Variants in ZNF3 observed in about 807,000 individuals in gnomAD.
ZNF3 encodes C2-H2 type zinc finger protein.
In ZNF3, 16 loss-of-function variants were observed where a neutral mutation model predicts 36.9. The ratio of observed to expected loss-of-function variants is 0.43; its 90% CI spans 0.29 to 0.66. The LOEUF is 0.66. Ranked by LOEUF, ZNF3 falls within the 30% of genes least tolerant of loss-of-function variation. The probability of loss-of-function intolerance (pLI) is 0.13; values close to 1 mark genes in which losing one functional copy is unlikely to be tolerated. For missense variants in ZNF3, 462 were observed against 543.1 expected (o/e 0.85, Z 1.48); for synonymous variants, 201 against 201.9 (o/e 1.00, Z 0.04).
At position 100,070,868 on chromosome 7, in the gene ZNF3, G is replaced by A. The variant is rs747140440; in HGVS notation, c.*275C>T. The A allele has an allele frequency of 7.0e-5, 85 of 1,207,474 alleles. No homozygotes were observed. Among genetic ancestry groups the A allele is most frequent in the Admixed American group, 8.3e-5 (2 of 24,124 alleles). 74.8% of individuals were successfully genotyped at this position (1,207,474 alleles called of 1,614,324 possible). A position where few individuals can be genotyped will look rare whatever the true frequency, so the allele number is the denominator to read the frequency against. On this transcript the variant is annotated 3_prime_UTR_variant, in exon 6 of 6. Transcript: ENST00000299667. ...ATCCCCACCTTGGAAAGGTTCCTCT[G>A]CTGTGAGAAAAACAGTTTAGTGCAA... is the stretch of plus-strand genomic sequence containing the variant.
In ZNF3 at chr7:100,075,590, G is replaced by T. The variant is rs1178808194; in HGVS notation, c.96C>A (p.Ser32Arg). 6.2e-7 allele frequency: 1 copy of T among 1,614,110 alleles called. No individual in the cohort carries two copies. Among genetic ancestry groups the T allele is most frequent in the African/African-American group, 1.3e-5 (1 of 75,032 alleles). ...SKVPAFSDKDSLGDEMLAAAL... is the reference protein window; with the variant it reads ...SKVPAFSDKDRLGDEMLAAAL... ...CAGCCGCCAACATCTCATCCCCCAG[G>T]CTGTCCTTGTCGGAAAAGGCAGGAA... Residue 32 changes from serine (S) to arginine (R), a missense_variant, in exon 4 of 6, where the codon AGC becomes AGA. Coordinates refer to ENST00000299667, the MANE Select transcript of ZNF3 (RefSeq NM_032924.5).
Position 100,070,626 on chromosome 7 carries a change from C to T in ZNF3, c.*517G>A. 1.0e-6 allele frequency: 1 copy of T among 989,706 alleles called. No homozygotes were observed. The highest frequency in any genetic ancestry group is 1.2e-6 in the Non-Finnish European group (1 of 832,330). The allele number at this position is 989,706 out of a possible 1,614,324, so 61.3% of individuals were successfully genotyped here. A position where few individuals can be genotyped will look rare whatever the true frequency, so the allele number is the denominator to read the frequency against. On this transcript the variant is annotated 3_prime_UTR_variant, in exon 6 of 6. Transcript: ENST00000299667. ...TTCTACCCTCAATAAAATAATCCCT[C>T]AATGCCAAATTTCCATAATTAACGA...
In ZNF3 at chr7:100,071,582, T is replaced by A; in HGVS notation, c.902A>T (p.His301Leu). ...KTFSWSSTLT[H>L]HQRIHTGEKP... ...CTCACCAGTGTGGATTCTCTGATGGTGGGTGAGGGTGGAGCTCCAGCTGAA... is the reference window on the plus strand; with the variant it reads ...CTCACCAGTGTGGATTCTCTGATGGAGGGTGAGGGTGGAGCTCCAGCTGAA... The change falls in exon 6 of 6, where the codon CAC (histidine) becomes CTC (leucine). Residue 301 changes from histidine to leucine, a missense_variant. By Grantham distance (99) the His-to-Leu change is moderately conservative. Coordinates refer to ENST00000299667, the MANE Select transcript of ZNF3 (RefSeq NM_032924.5). 1 of 1,613,990 alleles carries A rather than the reference T, an allele frequency of 6.2e-7. No individual in the cohort carries two copies. The highest frequency in any genetic ancestry group is 8.5e-7 in the Non-Finnish European group (1 of 1,179,972).
exon 6 of ZNF3, chr7:100,064,526 A>C (rs752609278): frequency 6.2e-7 from 1 of 1,614,212 alleles, no homozygotes; most frequent in Non-Finnish European, 8.5e-7. Context: ...GAAAAGCCCT[A>C]CTGGTGTCAT....
At chr7:100,078,944 CAAAG>C (rs1469502784) in intron 2 of ZNF3, 3 of 152,072 alleles carry the variant, frequency 2.0e-5, no homozygotes, top group African/African-American at 4.8e-5. Context: ...AAAAAAAGAA[CAAAG>C]GAAGAGGGGT....
At position 100,070,260 on chromosome 7, in the gene ZNF3, T is replaced by C; in HGVS notation, c.*883A>G. ...GTGGAGGCAGGAGTGGTCTGGCTCCTGGGGCTGGGTGTCAGAGGTGAGAGG... is the reference window on the plus strand; with the variant it reads ...GTGGAGGCAGGAGTGGTCTGGCTCCCGGGGCTGGGTGTCAGAGGTGAGAGG... On this transcript the variant is annotated 3_prime_UTR_variant, in exon 6 of 6. Transcript: ENST00000299667. 2 of 985,468 alleles carry C rather than the reference T, an allele frequency of 2.0e-6. No individual in the cohort carries two copies. Among genetic ancestry groups the C allele is most frequent in the African/African-American group, 1.7e-5 (1 of 57,348 alleles). 61.0% of individuals were successfully genotyped at this position (985,468 alleles called of 1,614,324 possible).
At chr7:100,073,315 C>T (rs534992400) in intron 5 of ZNF3, among the ~76,000 whole-genome samples, 2 of 152,108 alleles carry the variant, frequency 1.3e-5, no homozygotes, top group Non-Finnish European at 2.9e-5. Context: ...ATTCTACATC[C>T]TAAAAGTTGA....
chr7:100,073,061 G>A lies in ZNF3; in HGVS notation c.272-849C>T, dbSNP rs576132853. Among the ~76,000 whole-genome samples, 37 of 152,294 alleles carry A rather than the reference G, an allele frequency of 2.4e-4. 1 individual carries two copies. In the South Asian group the frequency reaches 7.5e-3, roughly 31 times the overall value. On this transcript the variant is annotated intron_variant, in intron 5 of 5. Coordinates refer to ENST00000299667, the MANE Select transcript of ZNF3 (RefSeq NM_032924.5). ...GTTCCTTTGAAACCCAGGCCCCTTG[G>A]CTCTTCCTCTCATTCTAGCAGAGAG...
At chr7:100,072,345 G>T in intron 5 of ZNF3, 133 bp from the exon 6 acceptor site, 1 of 822,126 alleles carries the variant, frequency 1.2e-6, no homozygotes. Flanking sequence ...CCCCACATGT[G>T]TGCGGCTAAG....
chr7:100,077,583 A>T (rs976212122), intron 2 of ZNF3, 150 bp from the exon 3 acceptor site: 19 of 662,832 alleles, frequency 2.9e-5, no homozygotes, highest in East Asian at 7.1e-5. Context: ...TTATTTTTTA[A>T]TTTTTTTTTT....
intron 2 of ZNF3, chr7:100,078,703 A>ACAAAG (rs1324853563): frequency 6.6e-6 from 1 of 152,020 alleles, no homozygotes; most frequent in Admixed American, 6.6e-5. Context: ...ACAAAACAAA[A>ACAAAG]CAAAACAAAC....
At chr7:100,067,362 C>A (rs1188673362), downstream of ZNF3, among the ~76,000 whole-genome samples, 1 of 152,182 alleles carries the variant, frequency 6.6e-6, no homozygotes, top group Admixed American at 6.6e-5. Flanking sequence ...AGTCTGCTGA[C>A]ACCCTTTCTC....
chr7:100,072,965 G>A (rs1304559140), intron 5 of ZNF3, among the ~76,000 whole-genome samples: 2 of 152,202 alleles, frequency 1.3e-5, no homozygotes, highest in Non-Finnish European at 2.9e-5. Flanking sequence ...ACAGGGTAAT[G>A]TGTGTTAGGG....
chr7:100,063,884 C>T, downstream of ZNF3: 1 of 1,614,066 alleles, frequency 6.2e-7, no homozygotes, highest in Non-Finnish European at 8.5e-7. Flanking sequence ...GTGATTATCG[C>T]CAATAAACCT....
At chr7:100,077,181 G>A (rs1040395328) in intron 3 of ZNF3, 122 bp downstream of exon 3, 4 of 1,224,284 alleles carry the variant, frequency 3.3e-6, no homozygotes. Context: ...ACTGAATGGC[G>A]AAGAGTGTGT....
intron 3 of ZNF3, among the ~76,000 whole-genome samples, chr7:100,076,054 T>A (rs1212250092): frequency 6.6e-6 from 1 of 151,376 alleles, no homozygotes; most frequent in African/African-American, 2.4e-5. Context: ...CCCAGGCTGG[T>A]CTCAAACTCC....
At chr7:100,066,271 C>A (rs1456644480), downstream of ZNF3, among the ~76,000 whole-genome samples, 2 of 152,156 alleles carry the variant, frequency 1.3e-5, no homozygotes, top group Non-Finnish European at 2.9e-5. Flanking sequence ...CCACAGTTCT[C>A]TGTGGGTCAA....
intron 2 of ZNF3, 112 bp downstream of exon 2, chr7:100,079,424 A>C (rs1794644763): frequency 6.6e-6 from 1 of 152,330 alleles, no homozygotes; most frequent in African/African-American, 2.4e-5. Context: ...CCATGGCTTC[A>C]GGTCCAGACA....
downstream of ZNF3, among the ~76,000 whole-genome samples, chr7:100,069,541 G>A (rs1446609676): frequency 3.4e-5 from 4 of 118,604 alleles, no homozygotes; most frequent in African/African-American, 1.3e-4. Flanking sequence ...AACAGTGCTA[G>A]ACTCTGTCTC....
Sources: gnomAD v4.1 joint callset for allele counts (sites outside exome capture counted in the v4.1 genomes callset) on GRCh38, gnomAD v4.1.1 for gene constraint, MANE v1.5 for transcripts, NCBI Gene and HGNC (gene_info 2026-07-23, HGNC 2026-07-21) for gene names.